The following IYD variants were observed in gnomAD, a reference collection of about 807,000 sequenced individuals.
IYD encodes iodotyrosine deiodinase.
IYD carries 25 observed loss-of-function variants against 28.4 expected under a neutral mutation model. The observed-to-expected ratio is 0.88, with a 90% CI of 0.64 to 1.23. The LOEUF (loss-of-function observed/expected upper bound fraction) is 1.23, where lower values mean the gene tolerates loss of function less well. Ranked by LOEUF, IYD falls within the 50% of genes most tolerant of loss-of-function variation. IYD has a pLI of 0.00. For missense variants in IYD, 352 were observed against 357.9 expected, an observed-to-expected ratio of 0.98 and a Z score of 0.13; for synonymous variants, 140 against 130.8, an observed-to-expected ratio of 1.07 and a Z score of -0.48.
intron 1 of IYD, among the ~76,000 whole-genome samples, chr6:150,371,743 T>G (rs1777248258): frequency 6.6e-6 from 1 of 152,238 alleles, no homozygotes; most frequent in Non-Finnish European, 1.5e-5. Flanking sequence ...GGACAAAGTC[T>G]GCCCTGAGTG....
rs56719487 is a variant in IYD, at chr6:150,372,771, G to T, written c.178+3562G>T. Among the ~76,000 whole-genome samples, 99 of 59,836 alleles carry T rather than the reference G, an allele frequency of 1.7e-3. 5 individuals are homozygous for T. The East Asian group carries it at 0.052, about 32-fold the overall frequency. 39.3% of individuals were successfully genotyped at this position (59,836 alleles called of 152,430 possible). A position where few individuals can be genotyped will look rare whatever the true frequency, so the allele number is the denominator to read the frequency against. On this transcript the variant is annotated intron_variant, in intron 1 of 4. Coordinates refer to ENST00000344419, the MANE Select transcript of IYD (RefSeq NM_203395.3). ...ACATGTGTATGTGTGTGTGGGTGGG[G>T]TGGGGGTGGTGAGGGAACATTGTGT...
chr6:150,380,335 A>G (rs1326369541), intron 1 of IYD, among the ~76,000 whole-genome samples: 1 of 152,122 alleles, frequency 6.6e-6, no homozygotes, highest in African/African-American at 2.4e-5. Flanking sequence ...TACCACTACC[A>G]CAACAACAAC....
At chr6:150,396,822 G>C (rs372184778) in intron 4 of IYD, 145 of 167,938 alleles carry the variant, frequency 8.6e-4, no homozygotes, top group Admixed American at 2.7e-3. Context: ...TGCAGTGAGC[G>C]GAGATCCCGC....
At chr6:150,388,694 C>T (rs1474793131) in intron 1 of IYD, among the ~76,000 whole-genome samples, 1 of 90,576 alleles carries the variant, frequency 1.1e-5, no homozygotes, top group Admixed American at 1.2e-4. Flanking sequence ...TTCTTTCCTT[C>T]CTTCCTTTCT....
At chr6:150,397,549 G>A (rs1359949174) in intron 4 of IYD, among the ~76,000 whole-genome samples, 3 of 129,634 alleles carry the variant, frequency 2.3e-5, no homozygotes, top group Non-Finnish European at 3.2e-5. Flanking sequence ...CAGCCTGGGT[G>A]ATAGAGCCAT....
At chr6:150,391,074 T>C (rs567495039) in intron 2 of IYD, among the ~76,000 whole-genome samples, 2 of 151,930 alleles carry the variant, frequency 1.3e-5, no homozygotes, top group Non-Finnish European at 2.9e-5. Flanking sequence ...CCGTCTCTAC[T>C]AAGTGTAGAA....
chr6:150,385,364 G>T (rs771877608), intron 1 of IYD, among the ~76,000 whole-genome samples: 2 of 152,066 alleles, frequency 1.3e-5, no homozygotes, highest in African/African-American at 2.4e-5. Flanking sequence ...TCCCCCCATA[G>T]TTAGACTATC....
At chr6:150,374,581 T>C (rs921498612) in intron 1 of IYD, among the ~76,000 whole-genome samples, 5 of 152,196 alleles carry the variant, frequency 3.3e-5, no homozygotes, top group Admixed American at 2.0e-4. Context: ...CTTCCCCTTA[T>C]AAAACCATCA....
Position 150,391,259 on chromosome 6 carries a change from C to A in IYD, c.371-1086C>A, listed in dbSNP as rs1778109999. Among the ~76,000 whole-genome samples the A allele has an allele frequency of 2.0e-5, 3 of 151,520 alleles. No homozygotes were observed. In the South Asian group the frequency reaches 6.3e-4, roughly 32 times the overall value. ...AAAAAAAAAAAAAAAAAAAGAATTC[C>A]CCAACTGTTGTGTGTCCCCAAGGAC... On this transcript the variant is annotated intron_variant, in intron 2 of 4. Transcript: ENST00000344419.
chr6:150,392,287 T>G, intron 2 of IYD, 58 bp from the exon 3 acceptor site: 1 of 1,609,618 alleles, frequency 6.2e-7, no homozygotes, highest in Non-Finnish European at 8.5e-7. Context: ...TCTCCTTAAT[T>G]AGCAGTCTCA....
rs1778612248 is a variant in IYD, at chr6:150,405,234, G to A, written c.*6997G>A. ...CATCTGCCAGGCCCTCCCTGGTCTA[G>A]ACCTTCAGCCTTGACCTTGCCCTGA... On this transcript the variant is annotated 3_prime_UTR_variant, in exon 5 of 5. Transcript: ENST00000344419. The A allele has an allele frequency of 6.6e-6, 1 of 152,218 alleles. No homozygotes were observed. The highest frequency in any genetic ancestry group is 2.4e-5 in the African/African-American group (1 of 41,426). 9.4% of individuals were successfully genotyped at this position (152,218 alleles called of 1,614,324 possible).
At chr6:150,395,293 A>G (rs1778268981) in intron 4 of IYD, 1 of 775,024 alleles carries the variant, frequency 1.3e-6, no homozygotes, top group Non-Finnish European at 2.0e-6. Flanking sequence ...CTTTTGAGAG[A>G]CAATGGATTA....
At chr6:150,392,598 A>G (rs1171668598) in intron 3 of IYD, 94 bp downstream of exon 3, 11 of 1,316,712 alleles carry the variant, frequency 8.4e-6, no homozygotes, top group Non-Finnish European at 1.2e-5. Flanking sequence ...TAAGCGTGAA[A>G]AAGCTTGATT....
At chr6:150,395,696 A>G in intron 4 of IYD, 2 of 782,984 alleles carry the variant, frequency 2.6e-6, no homozygotes, top group Admixed American at 2.0e-5. Flanking sequence ...TGAAGCCCGC[A>G]TCTCCAGTAT....
chr6:150,388,400 CT>C (rs1777958327), intron 1 of IYD, among the ~76,000 whole-genome samples: 1 of 152,120 alleles, frequency 6.6e-6, no homozygotes, highest in Non-Finnish European at 1.5e-5. Context: ...ACTTATCTAC[CT>C]GTGTGAGTTC....
rs753839381 is a variant in IYD at position 150,398,059 on chromosome 6, C to T, written c.692C>T (p.Ala231Val). The change falls in exon 5 of 5, where the codon GCA (alanine) becomes GTA (valine). Residue 231 changes from alanine (A) to valine (V), a missense_variant. Coordinates refer to ENST00000344419, the MANE Select transcript of IYD (RefSeq NM_203395.3). ...TTTCTTGTCCTCTTATTTTAGAATG[C>T]AGGTCTGGTGACTGTCACTACCACT... ...CGILLAALQN[A>V]GLVTVTTTPL... The T allele has an allele frequency of 5.6e-6, 9 of 1,613,948 alleles. No homozygotes were observed. The highest frequency in any genetic ancestry group is 2.7e-5 in the African/African-American group (2 of 74,918).
intron 2 of IYD, among the ~76,000 whole-genome samples, chr6:150,389,853 G>A (rs912027021): frequency 1.6e-4 from 24 of 152,052 alleles, no homozygotes; most frequent in African/African-American, 5.8e-4. Context: ...TATTGGAGGA[G>A]ATACACCTTC....
At chr6:150,386,339 T>C (rs1004445915) in intron 1 of IYD, among the ~76,000 whole-genome samples, 5 of 152,042 alleles carry the variant, frequency 3.3e-5, no homozygotes, top group African/African-American at 1.2e-4. Flanking sequence ...TGAAATATTT[T>C]CTAATTTTCT....
In IYD at chr6:150,388,627, T is replaced by TTTGCTTGC. The variant is rs1554231453; in HGVS notation, c.179-719_179-718insGCTTGCTT. The stretch of plus-strand genomic sequence containing the variant: ...TTTTCTAGATTTATAGTCTGGAGTT[T>TTTGCTTGC]TTGCTTTCTTTCTTTCTTTCTTTCT... On this transcript the variant is annotated intron_variant, in intron 1 of 4. Transcript: ENST00000344419. Among the ~76,000 whole-genome samples the TTTGCTTGC allele has an allele frequency of 1.8e-3, 233 of 129,040 alleles. 1 individual carries two copies. The highest frequency in any genetic ancestry group is 8.1e-3 in the Middle Eastern group (2 of 248). 84.7% of individuals were successfully genotyped at this position (129,040 alleles called of 152,430 possible). A position where few individuals can be genotyped will look rare whatever the true frequency, so the allele number is the denominator to read the frequency against.
Sources: allele counts gnomAD v4.1 joint callset (sites outside exome capture counted in the v4.1 genomes callset), GRCh38; gene constraint gnomAD v4.1.1; transcripts MANE v1.5; gene names NCBI Gene and HGNC (gene_info 2026-07-23, HGNC 2026-07-21).